Variants in PAK3 observed in about 807,000 individuals in gnomAD.
The protein encoded by PAK3 is serine/threonine-protein kinase PAK 3.
A neutral mutation model predicts 41.0 loss-of-function variants in PAK3; 4 were observed. That is an observed-to-expected ratio of 0.10 (90% confidence interval 0.05 to 0.22). The LOEUF (loss-of-function observed/expected upper bound fraction) is 0.22, where lower values mean the gene tolerates loss of function less well. Among genes scored for constraint, PAK3 ranks in the 10% least tolerant of loss-of-function variants. The pLI is 1.00. For missense variants in PAK3, 205 were observed against 409.9 expected (o/e 0.50, Z 4.32); for synonymous variants, 146 against 139.6 (o/e 1.05, Z -0.32).
At chrX:111,206,293 C>G (rs894347659) in intron 16 of PAK3, among the ~76,000 whole-genome samples, 2 of 111,560 alleles carry the variant, frequency 1.8e-5, no homozygotes, top group Non-Finnish European at 3.8e-5. Flanking sequence ...TAGCTCTGTA[C>G]CTACCCACAT....
intron 1 of PAK3, among the ~76,000 whole-genome samples, chrX:110,985,536 C>G (rs1461184573): frequency 8.9e-6 from 1 of 112,249 alleles, no homozygotes; most frequent in African/African-American, 3.2e-5. Context: ...CTCATTGGCT[C>G]TAAGATGAAC....
In PAK3 at chrX:111,226,874, A is replaced by T. The variant is rs762643074; in HGVS notation, c.*6427A>T. 1.2e-4 allele frequency: 13 copies of T among 112,097 alleles called. No homozygotes were observed. The highest frequency in any genetic ancestry group is 2.1e-4 in the Non-Finnish European group (11 of 53,257). The allele number at this position is 112,097 out of a possible 1,213,427, so 9.2% of individuals were successfully genotyped here. A position where few individuals can be genotyped will look rare whatever the true frequency, so the allele number is the denominator to read the frequency against. On this transcript the variant is annotated 3_prime_UTR_variant, in exon 18 of 18. Transcript: ENST00000372007. Reference sequence around the variant, plus strand: ...TCTTCACAGAATCCTGTAGCTACTAATGCATTGAGTTTTTAATCTCAGTAC... The same window carrying T: ...TCTTCACAGAATCCTGTAGCTACTATTGCATTGAGTTTTTAATCTCAGTAC...
intron 13 of PAK3, among the ~76,000 whole-genome samples, chrX:111,193,536 G>A (rs2094581078): frequency 9.2e-6 from 1 of 109,155 alleles, no homozygotes; most frequent in Non-Finnish European, 1.9e-5. Context: ...TTTTAGTAGA[G>A]ACGGGGTTTC....
intron 1 of PAK3, among the ~76,000 whole-genome samples, chrX:110,983,864 G>A (rs966934363): frequency 1.8e-5 from 2 of 111,441 alleles, no homozygotes; most frequent in African/African-American, 6.5e-5. Context: ...TGGCACTACC[G>A]CTCACCTGGT....
At chrX:111,065,588 G>A (rs569599434) in intron 1 of PAK3, among the ~76,000 whole-genome samples, 8 of 111,331 alleles carry the variant, frequency 7.2e-5, no homozygotes, top group East Asian at 2.8e-4. Flanking sequence ...AATTAGGGAG[G>A]AGCCCCTCCT....
chrX:110,989,542 A>G (rs1314437430), intron 1 of PAK3, among the ~76,000 whole-genome samples: 2 of 111,992 alleles, frequency 1.8e-5, no homozygotes, highest in African/African-American at 6.5e-5. Flanking sequence ...TTTAAATACT[A>G]TTTGCACCAA....
chrX:111,028,934 A>C (rs1431130618), intron 1 of PAK3, among the ~76,000 whole-genome samples: 1 of 110,380 alleles, frequency 9.1e-6, no homozygotes, highest in African/African-American at 3.3e-5. Flanking sequence ...CAAGTTCAAG[A>C]CCAGCCTGGA....
At chrX:110,974,240 C>T (rs1202634535) in intron 1 of PAK3, among the ~76,000 whole-genome samples, 2 of 111,083 alleles carry the variant, frequency 1.8e-5, no homozygotes, top group Non-Finnish European at 3.8e-5. Flanking sequence ...GAACTCTCCA[C>T]CCCAAATCAA....
At chrX:110,971,570 G>C (rs1234898078) in intron 1 of PAK3, among the ~76,000 whole-genome samples, 2 of 111,728 alleles carry the variant, frequency 1.8e-5, no homozygotes, top group Admixed American at 1.9e-4. Flanking sequence ...TTAGATTCTA[G>C]ATACAAGTCC....
chrX:110,991,270 C>A (rs2091640482), intron 1 of PAK3, among the ~76,000 whole-genome samples: 1 of 112,312 alleles, frequency 8.9e-6, no homozygotes, highest in African/African-American at 3.2e-5. Flanking sequence ...GGGCTTTTCT[C>A]AGCTTTAAAT....
At chrX:111,117,598 T>C (rs920254781) in intron 4 of PAK3, among the ~76,000 whole-genome samples, 56 of 112,022 alleles carry the variant, frequency 5.0e-4, no homozygotes, top group African/African-American at 1.7e-3. Flanking sequence ...AGACTAGTGC[T>C]GATATTTCCA....
At chrX:110,964,454 G>T (rs187218125) in intron 1 of PAK3, among the ~76,000 whole-genome samples, 56 of 112,213 alleles carry the variant, frequency 5.0e-4, no homozygotes, top group African/African-American at 1.7e-3. Flanking sequence ...GCAGGTCCAT[G>T]GACCACACTT....
chrX:111,196,897 T>C (rs1460655656), intron 16 of PAK3, among the ~76,000 whole-genome samples: 2 of 107,518 alleles, frequency 1.9e-5, no homozygotes, highest in African/African-American at 6.8e-5. Context: ...TACCCTTTTT[T>C]TCTCTTTTTC....
Position 110,985,000 on chromosome X carries a change from A to T in PAK3, c.-28+40372A>T, listed in dbSNP as rs182488740. ...AAAAATTAGCCAGGCGTGTTGGTGCACACCTGTAGTCCCACCTACTCAGGA... is the reference window on the plus strand; with the variant it reads ...AAAAATTAGCCAGGCGTGTTGGTGCTCACCTGTAGTCCCACCTACTCAGGA... On this transcript the variant is annotated intron_variant, in intron 1 of 14. Coordinates refer to the PAK3 transcript ENST00000425146. 2.4e-3 allele frequency among the ~76,000 whole-genome samples: 269 copies of T among 111,300 alleles called. 2 individuals carry two copies. The highest frequency in any genetic ancestry group is 7.8e-3 in the African/African-American group (238 of 30,583).
intron 1 of PAK3, among the ~76,000 whole-genome samples, chrX:111,079,365 G>A (rs1488423477): frequency 9.0e-6 from 1 of 111,616 alleles, no homozygotes; most frequent in African/African-American, 3.3e-5. Flanking sequence ...GAAAATCCTA[G>A]GGCCCTTAAG....
At chrX:111,074,209 G>A (rs1210185260) in intron 1 of PAK3, among the ~76,000 whole-genome samples, 1 of 111,565 alleles carries the variant, frequency 9.0e-6, no homozygotes, top group Non-Finnish European at 1.9e-5. Context: ...ACTATGATTT[G>A]GATATTTGTC....
chrX:111,132,502 A>AG (rs968552778), intron 5 of PAK3, among the ~76,000 whole-genome samples: 5 of 110,777 alleles, frequency 4.5e-5, no homozygotes, highest in African/African-American at 1.6e-4. Context: ...GTGTCAAGCT[A>AG]GGGATTATGA....
chrX:111,193,193 G>A (rs2094575966), intron 13 of PAK3, among the ~76,000 whole-genome samples: 1 of 111,070 alleles, frequency 9.0e-6, no homozygotes, highest in Non-Finnish European at 1.9e-5. Context: ...TAGTACCACT[G>A]TGCGGTGTTC....
chrX:111,050,007 G>A (rs2092541249), intron 1 of PAK3, among the ~76,000 whole-genome samples: 1 of 111,897 alleles, frequency 8.9e-6, no homozygotes, highest in African/African-American at 3.2e-5. Context: ...AGAGTTCAAA[G>A]CAATAGGAGT....
Sources: allele counts gnomAD v4.1 joint callset (sites outside exome capture counted in the v4.1 genomes callset), GRCh38; gene constraint gnomAD v4.1.1; transcripts MANE v1.5; gene names NCBI Gene and HGNC (gene_info 2026-07-23, HGNC 2026-07-21).